Variants in GYG1 observed in about 807,000 individuals in gnomAD.
GYG1 encodes the protein glycogenin-1.
A neutral mutation model predicts 41.9 loss-of-function variants in GYG1; 44 were observed. The observed-to-expected ratio is 1.05, with a 90% CI of 0.83 to 1.35. The LOEUF is 1.35. Ranked by LOEUF, GYG1 falls within the 40% of genes most tolerant of loss-of-function variation. The probability of loss-of-function intolerance (pLI) is 0.00; values close to 1 mark genes in which losing one functional copy is unlikely to be tolerated. For synonymous variants in GYG1, 141 were observed against 158.1 expected, an observed-to-expected ratio of 0.89 and a Z score of 0.81; for missense variants, 429 against 418.9, an observed-to-expected ratio of 1.02 and a Z score of -0.21.
intron 5 of GYG1, among the ~76,000 whole-genome samples, chr3:149,013,430 A>G (rs1713850938): frequency 6.6e-6 from 1 of 152,206 alleles, no homozygotes; most frequent in Non-Finnish European, 1.5e-5. Flanking sequence ...CACACCTTAA[A>G]GCAGAGAGAC....
chr3:149,014,518 T>TG (rs1713910223), intron 5 of GYG1, among the ~76,000 whole-genome samples: 1 of 148,392 alleles, frequency 6.7e-6, no homozygotes, highest in African/African-American at 2.5e-5. Context: ...CCAAGGAGGG[T>TG]GGATCTCTTG....
Position 148,994,130 on chromosome 3 carries a change from C to A in GYG1, c.8-12C>A, listed in dbSNP as rs756817173. 1 of 1,594,564 alleles carries A rather than the reference C, an allele frequency of 6.3e-7. No homozygotes were observed. Among genetic ancestry groups the A allele is most frequent in the Non-Finnish European group, 8.5e-7 (1 of 1,169,898 alleles). On this transcript the variant is annotated splice_polypyrimidine_tract_variant and intron_variant, in intron 1 of 7. Coordinates refer to ENST00000345003, the MANE Select transcript of GYG1 (RefSeq NM_004130.4). ...ATACTGTAATGAGTGTTTTTTTTTT[C>A]TTTGTATTAAGATCAGGCCTTTGTG... is the stretch of plus-strand genomic sequence containing the variant.
chr3:149,028,705 A>ATTTTTTTTT lies in GYG1; in HGVS notation c.*1787_*1795dup, dbSNP rs71617496. The stretch of plus-strand genomic sequence containing the variant: ...GGTGGAAAAGCTGACATAGTTTTAA[A>ATTTTTTTTT]TTTTTTTTTTTTTTTTTTTTTTTCT... On this transcript the variant is annotated 3_prime_UTR_variant, in exon 8 of 8. Coordinates refer to ENST00000345003, the MANE Select transcript of GYG1 (RefSeq NM_004130.4). Among the ~76,000 whole-genome samples, 3 of 133,720 alleles carry ATTTTTTTTT rather than the reference A, an allele frequency of 2.2e-5. No homozygotes were observed. 87.7% of individuals were successfully genotyped at this position (133,720 alleles called of 152,430 possible).
chr3:149,015,148 T>C (rs2107910244), intron 5 of GYG1, among the ~76,000 whole-genome samples: 1 of 152,162 alleles, frequency 6.6e-6, no homozygotes, highest in Non-Finnish European at 1.5e-5. Flanking sequence ...GGAAAGAACA[T>C]GGGGGAAGCA....
Position 149,023,506 on chromosome 3 carries a change from T to G in GYG1, c.609-547T>G, listed in dbSNP as rs1313251757. Reference sequence around the variant, plus strand: ...CTGGATTGTACAGCATGAGCATTTTTAACTTTACTAGGTAATACCAAATAC... The same window carrying G: ...CTGGATTGTACAGCATGAGCATTTTGAACTTTACTAGGTAATACCAAATAC... On this transcript the variant is annotated intron_variant, in intron 5 of 7. Transcript: ENST00000345003. 6.6e-5 allele frequency among the ~76,000 whole-genome samples: 10 copies of G among 152,366 alleles called. No individual in the cohort carries two copies. The East Asian group carries it at 1.9e-3, about 29-fold the overall frequency.
intron 6 of GYG1, 86 bp from the exon 7 acceptor site, chr3:149,026,366 T>C (rs1201850844): frequency 1.7e-5 from 15 of 867,584 alleles, no homozygotes; most frequent in Non-Finnish European, 3.0e-5. Context: ...TCTCAACCTT[T>C]CAGAGCCCAC....
intron 5 of GYG1, among the ~76,000 whole-genome samples, chr3:149,020,223 C>T (rs1714291793): frequency 6.6e-6 from 1 of 152,200 alleles, no homozygotes; most frequent in Admixed American, 6.5e-5. Flanking sequence ...ATATGCTTTC[C>T]TATTGGTTAC....
Position 149,028,705 on chromosome 3 carries a change from A to AT in GYG1, c.*1795dup, listed in dbSNP as rs71617496. ...GGTGGAAAAGCTGACATAGTTTTAA[A>AT]TTTTTTTTTTTTTTTTTTTTTTTCT... On this transcript the variant is annotated 3_prime_UTR_variant, in exon 8 of 8. Transcript: ENST00000345003. 0.031 allele frequency among the ~76,000 whole-genome samples: 4,112 copies of AT among 133,646 alleles called. 209 individuals carry two copies. The highest frequency in any genetic ancestry group is 0.098 in the African/African-American group (3,410 of 34,894). The allele number at this position is 133,646 out of a possible 152,430, so 87.7% of individuals were successfully genotyped here. A position where few individuals can be genotyped will look rare whatever the true frequency, so the allele number is the denominator to read the frequency against.
At chr3:148,992,175 G>T (rs894750906) in intron 1 of GYG1, among the ~76,000 whole-genome samples, 11 of 152,280 alleles carry the variant, frequency 7.2e-5, no homozygotes, top group East Asian at 3.8e-4. Context: ...TTGGGGCCGG[G>T]TTGCGGGAAG....
chr3:148,996,717 A>C (rs1437103685), intron 3 of GYG1, 25 bp from the exon 4 acceptor site: 3 of 1,604,594 alleles, frequency 1.9e-6, no homozygotes. Context: ...ACATTTCTGT[A>C]ATGCTCTTTC....
At chr3:149,021,762 C>CTT (rs200033024) in intron 5 of GYG1, among the ~76,000 whole-genome samples, 2 of 145,550 alleles carry the variant, frequency 1.4e-5, no homozygotes, top group Non-Finnish European at 3.0e-5. Flanking sequence ...CAGTTCCTAA[C>CTT]TTTTTTTTTT....
At chr3:148,995,370 T>A (rs939585024) in intron 2 of GYG1, among the ~76,000 whole-genome samples, 1 of 152,228 alleles carries the variant, frequency 6.6e-6, no homozygotes, top group Admixed American at 6.5e-5. Flanking sequence ...TGTGACTTTT[T>A]ATTTTTTTCC....
chr3:148,995,315 T>C (rs976577848), intron 2 of GYG1, among the ~76,000 whole-genome samples: 1 of 152,248 alleles, frequency 6.6e-6, no homozygotes, highest in Non-Finnish European at 1.5e-5. Context: ...GATGTGTTTA[T>C]TTTTCTGGTC....
At chr3:148,997,386 A>G (rs1712863047) in intron 4 of GYG1, among the ~76,000 whole-genome samples, 1 of 152,216 alleles carries the variant, frequency 6.6e-6, no homozygotes, top group African/African-American at 2.4e-5. Flanking sequence ...GTTTGTGTGA[A>G]TAATCTTTGC....
intron 4 of GYG1, among the ~76,000 whole-genome samples, chr3:149,006,943 A>C (rs1713438788): frequency 6.6e-6 from 1 of 152,338 alleles, no homozygotes; most frequent in East Asian, 1.9e-4. Flanking sequence ...TGGTTCTCAT[A>C]TCTGTCCTTT....
At chr3:149,013,152 C>CCATAAATG (rs1323270861) in intron 5 of GYG1, among the ~76,000 whole-genome samples, 1 of 151,860 alleles carries the variant, frequency 6.6e-6, no homozygotes, top group Non-Finnish European at 1.5e-5. Flanking sequence ...TGTGCCCAGC[C>CCATAAATG]CATAAATGCA....
chr3:149,021,790 GA>G (rs1269321149), intron 5 of GYG1, among the ~76,000 whole-genome samples: 1 of 151,750 alleles, frequency 6.6e-6, no homozygotes, highest in Non-Finnish European at 1.5e-5. Flanking sequence ...AACTTTAGGG[GA>G]TAGGAAAGGT....
At chr3:148,992,166 T>A (rs1449356854) in intron 1 of GYG1, among the ~76,000 whole-genome samples, 1 of 152,264 alleles carries the variant, frequency 6.6e-6, no homozygotes, top group African/African-American at 2.4e-5. Context: ...TTTAGGCCTT[T>A]GGGGCCGGGT....
intron 4 of GYG1, chr3:149,001,154 T>G (rs1448870592): frequency 6.6e-6 from 1 of 152,214 alleles, no homozygotes; most frequent in Non-Finnish European, 1.5e-5. Flanking sequence ...GAGATTTTGG[T>G]GTGCTTCACT....
Sources: gnomAD v4.1 joint callset for allele counts (sites outside exome capture counted in the v4.1 genomes callset) on GRCh38, gnomAD v4.1.1 for gene constraint, MANE v1.5 for transcripts, NCBI Gene and HGNC (gene_info 2026-07-23, HGNC 2026-07-21) for gene names.